AP3B1: variants seen among roughly 807,000 people sequenced by gnomAD.
AP3B1 encodes AP-3 complex subunit beta-1.
A neutral mutation model predicts 132.5 loss-of-function variants in AP3B1; 61 were observed. The observed-to-expected ratio is 0.46, with a 90% CI of 0.37 to 0.57. The LOEUF is 0.57. Ranked by LOEUF, AP3B1 falls within the 20% of genes least tolerant of loss-of-function variation. The probability of loss-of-function intolerance (pLI) is 0.00; values close to 1 mark genes in which losing one functional copy is unlikely to be tolerated. For synonymous variants in AP3B1, 388 were observed against 438.3 expected (o/e 0.89, Z 1.43); for missense variants, 1,120 against 1,289.4 (o/e 0.87, Z 2.01).
At chr5:78,278,828 G>C (rs2112579863) in intron 1 of AP3B1, among the ~76,000 whole-genome samples, 1 of 152,134 alleles carries the variant, frequency 6.6e-6, no homozygotes, top group South Asian at 2.1e-4. Context: ...ATTATCAGAG[G>C]AGTGCAAACC....
intron 21 of AP3B1, among the ~76,000 whole-genome samples, chr5:78,100,522 T>A (rs1751083503): frequency 1.3e-5 from 2 of 152,176 alleles, no homozygotes; most frequent in Non-Finnish European, 2.9e-5. Context: ...GTAACCCATT[T>A]CCATTCCTAC....
At chr5:78,010,838 A>G (rs1471840974) in intron 26 of AP3B1, among the ~76,000 whole-genome samples, 2 of 151,950 alleles carry the variant, frequency 1.3e-5, no homozygotes, top group Non-Finnish European at 2.9e-5. Flanking sequence ...GTCTTAAGTA[A>G]TATGCATTAA....
At chr5:78,063,910 A>C (rs1191463745) in intron 22 of AP3B1, among the ~76,000 whole-genome samples, 1 of 152,154 alleles carries the variant, frequency 6.6e-6, no homozygotes, top group African/African-American at 2.4e-5. Context: ...ATAAAGTTGA[A>C]AATGACACTT....
chr5:78,283,463 C>G (rs10062875), intron 1 of AP3B1, among the ~76,000 whole-genome samples: 34,292 of 152,098 alleles, frequency 0.23, 4,533 homozygotes, highest in Middle Eastern at 0.31. Context: ...TCTTAGTTTT[C>G]TAAGTAAGTT....
chr5:78,259,592 T>A (rs1747995798), intron 2 of AP3B1, among the ~76,000 whole-genome samples: 1 of 152,218 alleles, frequency 6.6e-6, no homozygotes, highest in African/African-American at 2.4e-5. Context: ...ATGATGTGCT[T>A]ATTTCACATG....
chr5:78,230,018 G>A (rs74938848), intron 3 of AP3B1, among the ~76,000 whole-genome samples: 12,267 of 151,696 alleles, frequency 0.081, 640 homozygotes, highest in Non-Finnish European at 0.12. Context: ...TTTTTTCAGC[G>A]TGACACTACA....
intron 22 of AP3B1, among the ~76,000 whole-genome samples, chr5:78,075,475 C>T (rs139779396): frequency 1.2e-3 from 182 of 152,286 alleles, no homozygotes; most frequent in East Asian, 7.1e-3. Context: ...GTTCCTACAA[C>T]ACAAACTGGG....
At chr5:78,054,839 T>G (rs1228934250) in intron 22 of AP3B1, among the ~76,000 whole-genome samples, 3 of 152,086 alleles carry the variant, frequency 2.0e-5, no homozygotes, top group Non-Finnish European at 4.4e-5. Flanking sequence ...AATTTTATTA[T>G]GGGTATAGTG....
intron 2 of AP3B1, among the ~76,000 whole-genome samples, chr5:78,245,319 C>T (rs1453435159): frequency 6.6e-6 from 1 of 152,206 alleles, no homozygotes; most frequent in Non-Finnish European, 1.5e-5. Flanking sequence ...CTATCTTTAA[C>T]TTATCAGAGA....
chr5:78,100,196 AAACAG>A (rs1032886204), intron 21 of AP3B1, among the ~76,000 whole-genome samples: 5 of 152,146 alleles, frequency 3.3e-5, no homozygotes, highest in African/African-American at 9.7e-5. Context: ...GTAACAGTAT[AAACAG>A]AACAGATCTA....
chr5:78,282,123 C>T (rs560703544), intron 1 of AP3B1, among the ~76,000 whole-genome samples: 9 of 152,266 alleles, frequency 5.9e-5, no homozygotes, highest in African/African-American at 2.2e-4. Flanking sequence ...CCATCGATTT[C>T]CACACTCAAC....
chr5:78,287,412 G>A (rs1244791498), intron 1 of AP3B1, among the ~76,000 whole-genome samples: 1 of 152,038 alleles, frequency 6.6e-6, no homozygotes, highest in Non-Finnish European at 1.5e-5. Flanking sequence ...ATAATCTGTT[G>A]GAAAGTAAGA....
intron 22 of AP3B1, among the ~76,000 whole-genome samples, chr5:78,082,965 G>A (rs1271143340): frequency 5.3e-5 from 8 of 151,918 alleles, no homozygotes; most frequent in South Asian, 4.2e-4. Flanking sequence ...ACAGGCACAC[G>A]CCACCACCCC....
At chr5:78,259,243 T>A (rs1442044692) in intron 2 of AP3B1, among the ~76,000 whole-genome samples, 1 of 139,450 alleles carries the variant, frequency 7.2e-6, no homozygotes, top group African/African-American at 2.6e-5. Context: ...CAAGACTCCA[T>A]CTCAAAAAAA....
intron 2 of AP3B1, among the ~76,000 whole-genome samples, chr5:78,248,675 T>C (rs1215434326): frequency 6.6e-5 from 10 of 152,130 alleles, no homozygotes; most frequent in Admixed American, 4.6e-4. Flanking sequence ...TTTTGATTGG[T>C]CCGCCTAAAT....
chr5:78,103,607 G>A (rs1181404739), intron 20 of AP3B1, among the ~76,000 whole-genome samples: 1 of 152,066 alleles, frequency 6.6e-6, no homozygotes, highest in Non-Finnish European at 1.5e-5. Context: ...TTTTTAAATA[G>A]AGGATTAGGC....
At chr5:78,252,799 G>A (rs1747695099) in intron 2 of AP3B1, among the ~76,000 whole-genome samples, 1 of 152,182 alleles carries the variant, frequency 6.6e-6, no homozygotes. Context: ...GGGCCTGGGG[G>A]AGCTCGCCAC....
Position 78,177,348 on chromosome 5 carries a change from C to T in AP3B1, c.1031G>A (p.Arg344His), listed in dbSNP as rs765852823. The T allele has an allele frequency of 2.4e-5, 39 of 1,611,506 alleles. No individual in the cohort carries two copies. Among genetic ancestry groups the T allele is most frequent in the Admixed American group, 8.3e-5 (5 of 59,966 alleles). The part of the protein sequence containing the change: ...IISKSLVRLL[R>H]SNREVQYIVL... ...TAAAATCATGACCTACCTATTGCTA[C>T]GAAGTAAACGCACTAGTGATTTAGA... is the stretch of plus-strand genomic sequence containing the variant. The change falls in exon 9 of 27, where the codon CGT becomes CAT. Residue 344 changes from arginine to histidine, a missense_variant. Arg to His is a conservative substitution (Grantham distance 29). Transcript: ENST00000255194.
At chr5:78,028,447 CA>C (rs529821027) in intron 24 of AP3B1, among the ~76,000 whole-genome samples, 7,600 of 132,536 alleles carry the variant, frequency 0.057, 629 homozygotes, top group African/African-American at 0.19. Context: ...GACTCCATCT[CA>C]AAAAAAAAAA....
Sources: gnomAD v4.1 joint callset for allele counts (sites outside exome capture counted in the v4.1 genomes callset) on GRCh38, gnomAD v4.1.1 for gene constraint, MANE v1.5 for transcripts, NCBI Gene and HGNC (gene_info 2026-07-23, HGNC 2026-07-21) for gene names.